NPAS4: variants seen among roughly 807,000 people sequenced by gnomAD.
NPAS4 encodes the protein neuronal PAS domain-containing protein 4.
In NPAS4, 10 loss-of-function variants were observed where a neutral mutation model predicts 64.0. The observed-to-expected ratio is 0.16, with a 90% CI of 0.10 to 0.26. The LOEUF is 0.26. Among genes scored for constraint, NPAS4 ranks in the 10% least tolerant of loss-of-function variants. NPAS4 has a pLI of 1.00. For synonymous variants in NPAS4, 441 were observed against 411.7 expected (o/e 1.07, Z -0.86); for missense variants, 886 against 992.6 (o/e 0.89, Z 1.44).
chr11:66,412,318 A>G, the NPAS4 span, among the ~76,000 whole-genome samples: 213 of 152,268 alleles, frequency 1.4e-3, 5 homozygotes, highest in East Asian at 0.037. Context: ...TGCCCGGGGA[A>G]GGAGCCTGCT....
At chr11:66,411,423 G>C in the NPAS4 span, among the ~76,000 whole-genome samples, 1 of 152,212 alleles carries the variant, frequency 6.6e-6, no homozygotes, top group Non-Finnish European at 1.5e-5. Context: ...AACAGAATCT[G>C]CATCTTCTGC....
chr11:66,416,016 C>A (rs1454664192), upstream of NPAS4, among the ~76,000 whole-genome samples: 1 of 152,130 alleles, frequency 6.6e-6, no homozygotes, highest in African/African-American at 2.4e-5. Context: ...CACAGAAGAT[C>A]ATTTCAGCCC....
At chr11:66,423,294 CA>C (rs1555030807) in intron 5 of NPAS4, 62 bp downstream of exon 5, 1 of 1,124,140 alleles carries the variant, frequency 8.9e-7, no homozygotes, top group Non-Finnish European at 1.3e-6. Context: ...GGAGACCAGA[CA>C]AAGAATGATC....
At chr11:66,423,285 G>A (rs1856780085) in intron 5 of NPAS4, 53 bp downstream of exon 5, 6 of 1,193,106 alleles carry the variant, frequency 5.0e-6, no homozygotes, top group Admixed American at 3.9e-5. Context: ...AAGGGCATGG[G>A]AGACCAGACA....
In NPAS4 at chr11:66,421,276, G is replaced by C; in HGVS notation, c.97G>C (p.Asp33His). Residue 33 changes from aspartate (D) to histidine (H), a missense_variant, in exon 1 of 8, where the codon GAC becomes CAC. Physicochemically the swap from Asp to His is moderately conservative, Grantham distance 81. Transcript: ENST00000311034. ...GGAGCTGCTGCCGCTGGCCGAAGCGGACAAGGTCCGGCTGTCCTACCTGCA... is the reference window on the plus strand; with the variant it reads ...GGAGCTGCTGCCGCTGGCCGAAGCGCACAAGGTCCGGCTGTCCTACCTGCA... The part of the protein sequence containing the change: ...LKELLPLAEA[D>H]KVRLSYLHIM... 6.2e-7 allele frequency: 1 copy of C among 1,614,136 alleles called. No homozygotes were observed. Among genetic ancestry groups the C allele is most frequent in the African/African-American group, 1.3e-5 (1 of 75,082 alleles).
the NPAS4 span, among the ~76,000 whole-genome samples, chr11:66,413,296 C>T: frequency 1.3e-5 from 2 of 152,226 alleles, no homozygotes; most frequent in African/African-American, 2.4e-5. Context: ...GGAGAGAGAA[C>T]AGCATGTGCA....
At chr11:66,421,553 G>C (rs1856742087) in intron 1 of NPAS4, among the ~76,000 whole-genome samples, 199 bp downstream of exon 1, 1 of 152,248 alleles carries the variant, frequency 6.6e-6, no homozygotes. Context: ...ATGAGAGTTA[G>C]AGAGCCTGGA....
At chr11:66,412,683 T>G in the NPAS4 span, among the ~76,000 whole-genome samples, 7 of 152,050 alleles carry the variant, frequency 4.6e-5, no homozygotes, top group African/African-American at 1.4e-4. Context: ...TTGATAGGGG[T>G]GCCATCATTC....
At chr11:66,421,480 C>T (rs987205413) in intron 1 of NPAS4, 126 bp downstream of exon 1, 1 of 750,920 alleles carries the variant, frequency 1.3e-6, no homozygotes, top group African/African-American at 1.8e-5. Context: ...ATTCGGGACT[C>T]GGGAGATTCG....
At chr11:66,425,520 C>T (rs910362195) in intron 7 of NPAS4, among the ~76,000 whole-genome samples, 1 of 152,098 alleles carries the variant, frequency 6.6e-6, no homozygotes, top group Non-Finnish European at 1.5e-5. Context: ...AGGGCTTGTG[C>T]TTAACTCCAT....
Position 66,424,093 on chromosome 11 carries a change from C to T in NPAS4, c.1203C>T (p.Tyr401=). ...CCTCCAAAGAACTGGACTTCAGTTA[C>T]CTGACATTCCCTTCTGGGCCTGAGC... ...PRPSKELDFS[Y]LTFPSGPEPS... Residue 401 remains tyrosine, a synonymous_variant, in exon 7 of 8, where the codon TAC becomes TAT. Transcript: ENST00000311034. 1 of 1,614,108 alleles carries T rather than the reference C, an allele frequency of 6.2e-7. No homozygotes were observed. The highest frequency in any genetic ancestry group is 8.5e-7 in the Non-Finnish European group (1 of 1,180,016).
chr11:66,411,690 G>T, the NPAS4 span, among the ~76,000 whole-genome samples: 1 of 152,150 alleles, frequency 6.6e-6, no homozygotes, highest in Admixed American at 6.5e-5. Flanking sequence ...AGCCGTAAGG[G>T]TCACTCTCCC....
chr11:66,425,384 A>G (rs895244966), intron 7 of NPAS4, 114 bp downstream of exon 7: 17 of 568,274 alleles, frequency 3.0e-5, no homozygotes, highest in Non-Finnish European at 4.8e-5. Context: ...TAAGGGGATG[A>G]CATCCCCTGC....
rs574575450 is a variant in NPAS4, at chr11:66,424,293, A to T, written c.1403A>T (p.Asp468Val). The change falls in exon 7 of 8, where the codon GAT becomes GTT. Residue 468 changes from aspartate (D) to valine (V), a missense_variant. Transcript: ENST00000311034. ...QLTPSTATFS[D>V]QLTPSSATFP... ...ACTCCAAGCACTGCGACCTTCTCTG[A>T]TCAGTTGACGCCCAGCAGTGCAACC... is the stretch of plus-strand genomic sequence containing the variant. The T allele has an allele frequency of 6.2e-7, 1 of 1,614,020 alleles. No homozygotes were observed. The highest frequency in any genetic ancestry group is 8.5e-7 in the Non-Finnish European group (1 of 1,180,032).
upstream of NPAS4, among the ~76,000 whole-genome samples, chr11:66,419,313 C>G (rs978177122): frequency 2.6e-5 from 4 of 152,134 alleles, no homozygotes; most frequent in African/African-American, 7.2e-5. Context: ...AGAATAGGGT[C>G]TCCACACCTT....
intron 5 of NPAS4, 161 bp downstream of exon 5, chr11:66,423,393 T>C: frequency 1.2e-6 from 1 of 821,968 alleles, no homozygotes; most frequent in Admixed American, 2.1e-5. Context: ...TTCAAGGCAA[T>C]AATCAAATCA....
upstream of NPAS4, among the ~76,000 whole-genome samples, chr11:66,417,809 G>C (rs1276838170): frequency 6.8e-6 from 1 of 147,176 alleles, no homozygotes; most frequent in African/African-American, 2.5e-5. Flanking sequence ...TAGGAAGTTG[G>C]AGACAAAAAA....
chr11:66,414,778 C>T, the NPAS4 span, among the ~76,000 whole-genome samples: 6,257 of 152,196 alleles, frequency 0.041, 200 homozygotes, highest in Middle Eastern at 0.085. Context: ...GAGCCATGGA[C>T]GCAGGATGGG....
At chr11:66,421,506 C>T in intron 1 of NPAS4, 152 bp downstream of exon 1, 1 of 659,050 alleles carries the variant, frequency 1.5e-6, no homozygotes, top group Non-Finnish European at 2.7e-6. Flanking sequence ...TTCTACTTTT[C>T]CTCCTGAGCT....
Sources: gnomAD v4.1 joint callset for allele counts (sites outside exome capture counted in the v4.1 genomes callset) on GRCh38, gnomAD v4.1.1 for gene constraint, MANE v1.5 for transcripts, NCBI Gene and HGNC (gene_info 2026-07-23, HGNC 2026-07-21) for gene names.